Variants in MAGI1 observed in about 807,000 individuals in gnomAD.
MAGI1 encodes membrane associated guanylate kinase, WW and PDZ domain containing 1, also known as membrane-associated guanylate kinase, WW and PDZ domain-containing protein 1.
A neutral mutation model predicts 139.9 loss-of-function variants in MAGI1; 58 were observed. The observed-to-expected ratio is 0.41, with a 90% CI of 0.34 to 0.52. The LOEUF is 0.52. Ranked by LOEUF, MAGI1 falls within the 20% of genes least tolerant of loss-of-function variation. MAGI1 has a pLI of 0.12. For synonymous variants in MAGI1, 812 were observed against 737.9 expected (o/e 1.10, Z -1.63); for missense variants, 1,874 against 1,901.6 (o/e 0.99, Z 0.27).
intron 1 of MAGI1, among the ~76,000 whole-genome samples, chr3:65,641,189 G>C (rs2084964272): frequency 6.6e-6 from 1 of 152,074 alleles, no homozygotes; most frequent in African/African-American, 2.4e-5. Flanking sequence ...TCCCCACATG[G>C]CTCTAACAGC....
At chr3:65,891,226 A>G (rs1202065784) in intron 1 of MAGI1, among the ~76,000 whole-genome samples, 1 of 152,070 alleles carries the variant, frequency 6.6e-6, no homozygotes, top group African/African-American at 2.4e-5. Flanking sequence ...AAAAAAAAAA[A>G]AAGGAAAGAA....
At chr3:65,858,490 A>G (rs972835478) in intron 1 of MAGI1, among the ~76,000 whole-genome samples, 8 of 152,234 alleles carry the variant, frequency 5.3e-5, no homozygotes, top group African/African-American at 1.9e-4. Context: ...ATAAATTGGT[A>G]AAAGATAAGA....
At chr3:65,954,968 T>G (rs948456280) in intron 1 of MAGI1, among the ~76,000 whole-genome samples, 1 of 151,776 alleles carries the variant, frequency 6.6e-6, no homozygotes, top group Non-Finnish European at 1.5e-5. Context: ...ATGAAAGAAT[T>G]GAGACTTAGA....
chr3:65,414,583 C>T (rs994920326), intron 12 of MAGI1, among the ~76,000 whole-genome samples: 23 of 152,166 alleles, frequency 1.5e-4, no homozygotes, highest in Admixed American at 1.2e-3. Flanking sequence ...TCCTGTGGGC[C>T]TTTCCCTAGA....
At chr3:65,683,706 A>G (rs1049968094) in intron 1 of MAGI1, among the ~76,000 whole-genome samples, 8 of 151,196 alleles carry the variant, frequency 5.3e-5, no homozygotes, top group Non-Finnish European at 1.2e-4. Flanking sequence ...AAGATGCTCA[A>G]CATCATTCGG....
At chr3:65,815,643 G>T (rs992968403) in intron 1 of MAGI1, among the ~76,000 whole-genome samples, 1 of 152,040 alleles carries the variant, frequency 6.6e-6, no homozygotes, top group African/African-American at 2.4e-5. Flanking sequence ...TATTAAACAT[G>T]TAATATTTTA....
chr3:65,390,059 C>T (rs1197358603), intron 14 of MAGI1, among the ~76,000 whole-genome samples: 1 of 152,162 alleles, frequency 6.6e-6, no homozygotes, highest in African/African-American at 2.4e-5. Context: ...TTTCAGCATG[C>T]ACCTCGGCCG....
chr3:65,778,557 T>G (rs542387349), intron 1 of MAGI1, among the ~76,000 whole-genome samples: 9 of 152,242 alleles, frequency 5.9e-5, no homozygotes. Flanking sequence ...ATGCAATCTG[T>G]GTCCTCACTC....
chr3:65,989,885 G>A (rs1288872765), intron 1 of MAGI1, among the ~76,000 whole-genome samples: 1 of 152,108 alleles, frequency 6.6e-6, no homozygotes, highest in Admixed American at 6.5e-5. Flanking sequence ...TCATTTTACT[G>A]AATATTTGGG....
At chr3:65,601,035 A>C (rs1360948275) in intron 2 of MAGI1, among the ~76,000 whole-genome samples, 1 of 152,202 alleles carries the variant, frequency 6.6e-6, no homozygotes, top group Admixed American at 6.5e-5. Flanking sequence ...TAACTGGGTG[A>C]ATAGAGGGCA....
intron 18 of MAGI1, among the ~76,000 whole-genome samples, chr3:65,374,189 T>C (rs1035226071): frequency 2.0e-5 from 3 of 152,110 alleles, no homozygotes; most frequent in African/African-American, 7.2e-5. Context: ...AAAAAAGACA[T>C]TTAAACATTT....
intron 2 of MAGI1, among the ~76,000 whole-genome samples, chr3:65,504,065 G>C (rs982103164): frequency 2.6e-5 from 4 of 152,164 alleles, no homozygotes; most frequent in African/African-American, 4.8e-5. Context: ...GCAAGCAAAT[G>C]GTTCCCAGTA....
chr3:65,701,906 G>A (rs990248306), intron 1 of MAGI1, among the ~76,000 whole-genome samples: 7 of 152,184 alleles, frequency 4.6e-5, no homozygotes, highest in African/African-American at 1.7e-4. Flanking sequence ...AACATTTTCT[G>A]AGAACAGATT....
In MAGI1 at chr3:65,584,279, T is replaced by C. The variant is rs571167325; in HGVS notation, c.430+37693A>G. ...GCTGGAATTGGTGAGGCTCTGACAG[T>C]ACCCTGCCAAAGTCAGCAATTTCTT... On this transcript the variant is annotated intron_variant, in intron 2 of 22. Coordinates refer to ENST00000402939, the MANE Select transcript of MAGI1 (RefSeq NM_001033057.2). Among the ~76,000 whole-genome samples the C allele has an allele frequency of 3.3e-5, 5 of 152,258 alleles. No homozygotes were observed. In the East Asian group the frequency reaches 9.6e-4, roughly 29 times the overall value.
In MAGI1 at chr3:65,429,566, A is replaced by C. The variant is rs773082850; in HGVS notation, c.2121T>G (p.Val707=). 6.2e-7 allele frequency: 1 copy of C among 1,613,916 alleles called. No homozygotes were observed. The highest frequency in any genetic ancestry group is 8.5e-7 in the Non-Finnish European group (1 of 1,179,888). Residue 707 remains valine (V), a synonymous_variant, in exon 12 of 23, where the codon GTT becomes GTG. Coordinates refer to ENST00000402939, the MANE Select transcript of MAGI1 (RefSeq NM_001033057.2). The part of the protein sequence containing the change: ...LTHNQVVDML[V]ECPKGSEVTL... ...TGACCTCACTTCCCTTAGGACACTC[A>C]ACCAGCATATCCACCACTTGGTTGT...
chr3:65,619,785 C>T (rs141337893), intron 2 of MAGI1: 1 of 908,978 alleles, frequency 1.1e-6, no homozygotes, highest in East Asian at 1.2e-4. Context: ...CTCCACCAGA[C>T]TCCAAAACAG....
At chr3:65,577,109 G>C (rs909031047) in intron 2 of MAGI1, among the ~76,000 whole-genome samples, 4 of 152,088 alleles carry the variant, frequency 2.6e-5, no homozygotes, top group African/African-American at 7.2e-5. Context: ...AGTCACCCTA[G>C]GTGCTCTTTT....
intron 1 of MAGI1, among the ~76,000 whole-genome samples, chr3:65,925,844 C>T (rs2062474310): frequency 6.6e-6 from 1 of 152,050 alleles, no homozygotes; most frequent in Non-Finnish European, 1.5e-5. Context: ...CACACTCTGC[C>T]AATTTTTGTA....
chr3:65,925,776 CT>C (rs1211426533), intron 1 of MAGI1, among the ~76,000 whole-genome samples: 1 of 152,138 alleles, frequency 6.6e-6, no homozygotes, highest in Non-Finnish European at 1.5e-5. Flanking sequence ...ACCTCCTGGG[CT>C]CAAGCCATCC....
Sources: gnomAD v4.1 joint callset for allele counts (sites outside exome capture counted in the v4.1 genomes callset) on GRCh38, gnomAD v4.1.1 for gene constraint, MANE v1.5 for transcripts, NCBI Gene and HGNC (gene_info 2026-07-23, HGNC 2026-07-21) for gene names.